ACOXL: variants seen among roughly 807,000 people sequenced by gnomAD.
ACOXL encodes the protein acyl-CoA oxidase like.
Under a neutral mutation model 71.9 loss-of-function variants are expected in ACOXL, and 70 were observed. The observed-to-expected ratio is 0.97, with a 90% confidence interval of 0.80 to 1.19. ACOXL has a LOEUF of 1.19. Among genes scored for constraint, ACOXL ranks in the 50% most tolerant of loss-of-function variants. The probability of loss-of-function intolerance (pLI) is 0.00; values close to 1 mark genes in which losing one functional copy is unlikely to be tolerated. For synonymous variants in ACOXL, 253 were observed against 281.6 expected (o/e 0.90, Z 1.02); for missense variants, 703 against 736.3 (o/e 0.95, Z 0.52).
At chr2:110,976,141 T>C (rs1260512876) in intron 12 of ACOXL, among the ~76,000 whole-genome samples, 1 of 152,122 alleles carries the variant, frequency 6.6e-6, no homozygotes, top group East Asian at 1.9e-4. Flanking sequence ...AAGAAAGGCC[T>C]CAAAACCCTC....
intron 15 of ACOXL, among the ~76,000 whole-genome samples, chr2:111,040,836 G>A (rs960478891): frequency 2.7e-4 from 41 of 152,156 alleles, no homozygotes; most frequent in African/African-American, 9.7e-4. Context: ...TCGGGGTGTA[G>A]GGCCAATGTG....
rs180875356 is a variant in ACOXL at position 110,941,793 on chromosome 2, A to G, written c.1059+8151A>G. 2.0e-3 allele frequency among the ~76,000 whole-genome samples: 307 copies of G among 152,358 alleles called. 2 individuals are homozygous for G. The highest frequency in any genetic ancestry group is 7.2e-3 in the African/African-American group (299 of 41,586). ...AAACTTGAGATAATTCATCACCAACAGATCTTTATCATAAGAAATATTAAA... is the reference window on the plus strand; with the variant it reads ...AAACTTGAGATAATTCATCACCAACGGATCTTTATCATAAGAAATATTAAA... On this transcript the variant is annotated intron_variant, in intron 12 of 17. Transcript: ENST00000439055.
At chr2:111,061,825 A>G (rs1388755662) in intron 16 of ACOXL, among the ~76,000 whole-genome samples, 1 of 152,124 alleles carries the variant, frequency 6.6e-6, no homozygotes, top group Non-Finnish European at 1.5e-5. Flanking sequence ...TAACTACTAA[A>G]AAACTACTCA....
intron 17 of ACOXL, 147 bp downstream of exon 17, chr2:111,093,113 A>T (rs2068621496): frequency 6.2e-6 from 4 of 644,338 alleles, no homozygotes; most frequent in Non-Finnish European, 1.1e-5. Flanking sequence ...TTCATTACCT[A>T]TCATGATCGT....
chr2:110,951,411 T>A (rs1425308386), intron 12 of ACOXL, among the ~76,000 whole-genome samples: 1 of 152,244 alleles, frequency 6.6e-6, no homozygotes, highest in East Asian at 1.9e-4. Context: ...CTTTGTTTCT[T>A]CCTTTCCAAT....
chr2:110,856,947 G>C (rs1341022137), intron 10 of ACOXL, among the ~76,000 whole-genome samples: 4 of 152,200 alleles, frequency 2.6e-5, no homozygotes, highest in African/African-American at 7.2e-5. Flanking sequence ...ACAATTCTTT[G>C]TGCTTTGGAG....
intron 16 of ACOXL, among the ~76,000 whole-genome samples, chr2:111,077,808 C>T (rs757413082): frequency 6.6e-5 from 10 of 152,078 alleles, no homozygotes; most frequent in Non-Finnish European, 1.2e-4. Flanking sequence ...AGAGGTAATG[C>T]GTCAGTTTTT....
chr2:110,909,904 G>T (rs1204712782), intron 11 of ACOXL, among the ~76,000 whole-genome samples: 1 of 151,866 alleles, frequency 6.6e-6, no homozygotes, highest in Non-Finnish European at 1.5e-5. Flanking sequence ...ACAACAGTAA[G>T]ATCCATCCAT....
chr2:110,750,736 G>T (rs1372131567), intron 1 of ACOXL, among the ~76,000 whole-genome samples: 1 of 150,602 alleles, frequency 6.6e-6, no homozygotes, highest in Non-Finnish European at 1.5e-5. Flanking sequence ...TTGCTCTGTT[G>T]CTCAGGCTGG....
intron 11 of ACOXL, among the ~76,000 whole-genome samples, chr2:110,910,701 C>T (rs574825644): frequency 6.6e-5 from 10 of 152,114 alleles, no homozygotes; most frequent in South Asian, 4.2e-4. Flanking sequence ...TGGTGGCTGT[C>T]GACATTGAGT....
chr2:110,784,728 T>G lies in ACOXL; in HGVS notation c.76-4T>G. On this transcript the variant is annotated splice_polypyrimidine_tract_variant and splice_region_variant and intron_variant, in intron 2 of 17. Transcript: ENST00000439055. ...CCTTGATACTGAGTCTATCATATTT[T>G]CAGGCAGAGAAAACAAAGAATTTTG... 1 of 1,597,530 alleles carries G rather than the reference T, an allele frequency of 6.3e-7. No homozygotes were observed. Among genetic ancestry groups the G allele is most frequent in the East Asian group, 2.3e-5 (1 of 43,586 alleles).
At chr2:111,028,636 T>A (rs987517797) in intron 14 of ACOXL, among the ~76,000 whole-genome samples, 2 of 152,142 alleles carry the variant, frequency 1.3e-5, no homozygotes, top group Admixed American at 1.3e-4. Context: ...TTTTTGTAGA[T>A]CCTCTGCAGG....
intron 11 of ACOXL, among the ~76,000 whole-genome samples, chr2:110,922,198 G>C (rs765897651): frequency 5.6e-4 from 85 of 152,198 alleles, no homozygotes; most frequent in Non-Finnish European, 9.4e-4. Flanking sequence ...TTTTCCTCAA[G>C]TATTTTGAAA....
At chr2:111,089,493 CA>C (rs2068406060) in intron 16 of ACOXL, among the ~76,000 whole-genome samples, 1 of 152,160 alleles carries the variant, frequency 6.6e-6, no homozygotes, top group African/African-American at 2.4e-5. Flanking sequence ...CAAGACTTTA[CA>C]AACTTGAAAA....
At chr2:110,772,562 T>C (rs908307589) in intron 2 of ACOXL, among the ~76,000 whole-genome samples, 1 of 151,990 alleles carries the variant, frequency 6.6e-6, no homozygotes, top group Non-Finnish European at 1.5e-5. Flanking sequence ...GTAGTGTGGG[T>C]TGGGGACAGA....
chr2:110,742,851 G>A (rs1677717871), intron 1 of ACOXL, among the ~76,000 whole-genome samples: 1 of 152,164 alleles, frequency 6.6e-6, no homozygotes, highest in Admixed American at 6.5e-5. Flanking sequence ...TTTTGGATAT[G>A]ATCCCAAAAG....
intron 8 of ACOXL, among the ~76,000 whole-genome samples, chr2:110,802,080 A>G (rs986606406): frequency 6.6e-6 from 1 of 152,234 alleles, no homozygotes; most frequent in African/African-American, 2.4e-5. Context: ...TTATCATTAT[A>G]TAGCAAATGT....
rs547447832 is a variant in ACOXL, at chr2:110,977,929, G to A, written c.1060-9179G>A. 4.6e-5 allele frequency among the ~76,000 whole-genome samples: 7 copies of A among 152,268 alleles called. No homozygotes were observed. In the East Asian group the frequency reaches 1.4e-3, roughly 29 times the overall value. ...ACCAGAGATTGCCGTGGGGATTCTGGCCTTTGTCTTGCACTGCTAAGCCCA... is the reference window on the plus strand; with the variant it reads ...ACCAGAGATTGCCGTGGGGATTCTGACCTTTGTCTTGCACTGCTAAGCCCA... On this transcript the variant is annotated intron_variant, in intron 12 of 17. Transcript: ENST00000439055.
rs1312774964 is a variant in ACOXL at position 110,790,495 on chromosome 2, TCTC to T, written c.160-3152_160-3150del. ...TCGATGTCATAGCTGTCCTTTTTCT[TCTC>T]CTGATAAGTGGGAAAAGAGAGAGGA... On this transcript the variant is annotated intron_variant, in intron 3 of 17. Transcript: ENST00000439055. Among the ~76,000 whole-genome samples, 8 of 152,272 alleles carry T rather than the reference TCTC, an allele frequency of 5.3e-5. No homozygotes were observed. The East Asian group carries it at 1.5e-3, about 29-fold the overall frequency.
Sources: gnomAD v4.1 joint callset for allele counts (sites outside exome capture counted in the v4.1 genomes callset) on GRCh38, gnomAD v4.1.1 for gene constraint, MANE v1.5 for transcripts, NCBI Gene and HGNC (gene_info 2026-07-23, HGNC 2026-07-21) for gene names.